DNAH10: variants seen among roughly 807,000 people sequenced by gnomAD.
DNAH10 encodes axonemal beta dynein heavy chain 10.
Under a neutral mutation model 506.6 loss-of-function variants are expected in DNAH10, and 348 were observed. The ratio of observed to expected loss-of-function variants is 0.69; its 90% CI spans 0.63 to 0.75. The LOEUF (loss-of-function observed/expected upper bound fraction) is 0.75. Ranked by LOEUF, DNAH10 falls within the 30% of genes least tolerant of loss-of-function variation. The pLI is 0.00. For missense variants in DNAH10, 5,179 were observed against 5,787.1 expected (o/e 0.89, Z 3.41); for synonymous variants, 2,059 against 2,198.6 (o/e 0.94, Z 1.78).
chr12:123,820,666 G>T lies in DNAH10; in HGVS notation c.4087G>T (p.Asp1363Tyr), dbSNP rs201579024. ...ACTGGCTAACGCTGAGAAACTTTTCGATCTTCCTATTACAATGTACCCAGA... is the reference window on the plus strand; with the variant it reads ...ACTGGCTAACGCTGAGAAACTTTTCTATCTTCCTATTACAATGTACCCAGA... ...QELANAEKLF[D>Y]LPITMYPELL... Residue 1363 changes from aspartate (D) to tyrosine (Y), a missense_variant, in exon 24 of 79, where the codon GAT becomes TAT. Physicochemically the swap from Asp to Tyr is radical, Grantham distance 160. This residue lies in a region of DNAH10 where 4,844 missense variants were observed against 5,430.5 expected (regional missense o/e 0.89). Transcript: ENST00000673944. The T allele has an allele frequency of 1.9e-6, 3 of 1,613,940 alleles. No homozygotes were observed. Among genetic ancestry groups the T allele is most frequent in the East Asian group, 2.2e-5 (1 of 44,882 alleles).
At position 123,893,321 on chromosome 12, in the gene DNAH10, G is replaced by A. The variant is rs781476763; in HGVS notation, c.9084G>A (p.Pro3028=). ...GQEALKQGMG[P]AKESVWQYFV... is the part of the protein sequence containing the mutation. Reference sequence around the variant, plus strand: ...AAGCTCTGAAGCAAGGCATGGGGCCGGCCAAGGAGTCTGTGTGGCAGTACT... The same window carrying A: ...AAGCTCTGAAGCAAGGCATGGGGCCAGCCAAGGAGTCTGTGTGGCAGTACT... The change falls in exon 53 of 79, where the codon CCG becomes CCA. Residue 3028 remains proline (P), a synonymous_variant. Transcript: ENST00000673944. The A allele has an allele frequency of 8.7e-6, 14 of 1,613,918 alleles. No homozygotes were observed. The highest frequency in any genetic ancestry group is 3.3e-4 in the Middle Eastern group (2 of 6,082).
In DNAH10 at chr12:123,914,995, T is replaced by C. The variant is rs1954404327; in HGVS notation, c.10718T>C (p.Leu3573Pro). ...WIKRKEEKNN[L>P]RVASFNDPDF... Reference sequence around the variant, plus strand: ...AAGAGAAAAGAGGAGAAGAACAATCTGCGGGTATGGTGGCTCCTCCCAGGG... The same window carrying C: ...AAGAGAAAAGAGGAGAAGAACAATCCGCGGGTATGGTGGCTCCTCCCAGGG... Residue 3573 changes from leucine (L) to proline (P), a missense_variant, in exon 62 of 79, where the codon CTG (leucine) becomes CCG (proline). This residue lies in a region of DNAH10 where 4,844 missense variants were observed against 5,430.5 expected (regional missense o/e 0.89). Transcript: ENST00000673944. 6.2e-7 allele frequency: 1 copy of C among 1,605,868 alleles called. No homozygotes were observed. The highest frequency in any genetic ancestry group is 8.5e-7 in the Non-Finnish European group (1 of 1,176,448).
intron 25 of DNAH10, among the ~76,000 whole-genome samples, chr12:123,830,212 G>T (rs946682392): frequency 6.6e-6 from 1 of 152,120 alleles, no homozygotes; most frequent in African/African-American, 2.4e-5. Context: ...TCTCAAAAAG[G>T]CTGAGTGATT....
chr12:123,918,018 G>A (rs58498731), intron 64 of DNAH10, among the ~76,000 whole-genome samples: 7,916 of 152,248 alleles, frequency 0.052, 628 homozygotes, highest in African/African-American at 0.17. Context: ...TCTTTAAATC[G>A]AGAGTGATAG....
rs201513984 is a variant in DNAH10, at chr12:123,864,692, C to T, written c.7006C>T (p.Arg2336Cys). ...NRLLTLANGE[R>C]IRLQAHCALL... ...GTTGTTGACATTGGCCAACGGGGAA[C>T]GCATCCGGCTCCAAGCACACTGTGC... The change falls in exon 40 of 79, where the codon CGC (arginine) becomes TGC (cysteine). Residue 2336 changes from arginine (R) to cysteine (C), a missense_variant. By Grantham distance (180) the Arg-to-Cys change is radical. Coordinates refer to ENST00000673944, the MANE Select transcript of DNAH10 (RefSeq NM_001372106.1). 7.2e-5 allele frequency: 116 copies of T among 1,613,790 alleles called. No homozygotes were observed. Among genetic ancestry groups the T allele is most frequent in the Admixed American group, 8.3e-5 (5 of 59,998 alleles).
At chr12:123,831,372 A>G (rs1450615130) in intron 26 of DNAH10, among the ~76,000 whole-genome samples, 2 of 152,212 alleles carry the variant, frequency 1.3e-5, no homozygotes, top group Non-Finnish European at 2.9e-5. Context: ...ATCCCTACAC[A>G]TATATGTATA....
rs953977568 is a variant in DNAH10 at position 123,800,634 on chromosome 12, C to T, written c.2462+246C>T. On this transcript the variant is annotated intron_variant, in intron 15 of 78. Coordinates refer to ENST00000673944, the MANE Select transcript of DNAH10 (RefSeq NM_001372106.1). ...CTGGGAGATTGAGGCTGCAGTGAAC[C>T]GTGATTGCTCTATCTCCAGCCTGGG... Among the ~76,000 whole-genome samples the T allele has an allele frequency of 7.3e-5, 11 of 149,752 alleles. No individual in the cohort carries two copies. In the South Asian group the frequency reaches 1.3e-3, roughly 17 times the overall value.
rs569917307 is a variant in DNAH10 at position 123,841,264 on chromosome 12, G to A, written c.5137-58G>A. 8 of 1,571,254 alleles carry A rather than the reference G, an allele frequency of 5.1e-6. No homozygotes were observed. In the Admixed American group the frequency reaches 1.3e-4, roughly 26 times the overall value. ...TCTGCTGGATGGAGCACCGCTGGCT[G>A]GTCTTTGATTCCAGAACTCCGTGCA... is the stretch of plus-strand genomic sequence containing the variant. On this transcript the variant is annotated intron_variant, in intron 29 of 78. Coordinates refer to ENST00000673944, the MANE Select transcript of DNAH10 (RefSeq NM_001372106.1).
intron 5 of DNAH10, among the ~76,000 whole-genome samples, chr12:123,778,713 A>AT (rs1957531555): frequency 6.6e-6 from 1 of 152,182 alleles, no homozygotes; most frequent in African/African-American, 2.4e-5. Flanking sequence ...AAAGAAAAAA[A>AT]ATATATATGT....
chr12:123,926,599 C>G lies in DNAH10; in HGVS notation c.11922-38C>G. 3.1e-6 allele frequency: 5 copies of G among 1,598,156 alleles called. No individual in the cohort carries two copies. The highest frequency in any genetic ancestry group is 4.3e-6 in the Non-Finnish European group (5 of 1,171,634). ...GACCAGCCCCTGGTCTGGAGCTGTC[C>G]TCGCGGGAGAGTTTTCTGACTGTGT... is the stretch of plus-strand genomic sequence containing the variant. On this transcript the variant is annotated intron_variant, in intron 68 of 78. Coordinates refer to ENST00000673944, the MANE Select transcript of DNAH10 (RefSeq NM_001372106.1). This position sits in a 1 kb window ranked among gnomAD's most constrained non-coding sequence, Gnocchi z 4.1.
At chr12:123,895,250 A>G (rs7296123) in intron 54 of DNAH10, among the ~76,000 whole-genome samples, 39,247 of 152,196 alleles carry the variant, frequency 0.26, 5,232 homozygotes, top group South Asian at 0.29. Flanking sequence ...GGCCTTGGAT[A>G]TTAATTTTAA....
chr12:123,855,236 T>C (rs1277350404), intron 36 of DNAH10, among the ~76,000 whole-genome samples: 1 of 152,074 alleles, frequency 6.6e-6, no homozygotes, highest in Non-Finnish European at 1.5e-5. Context: ...TAGTGAACGC[T>C]GAGTAGAGAA....
Position 123,913,217 on chromosome 12 carries a change from A to T in DNAH10, c.10254A>T (p.Ile3418=). The T allele has an allele frequency of 6.2e-7, 1 of 1,610,268 alleles. No homozygotes were observed. The highest frequency in any genetic ancestry group is 1.3e-5 in the African/African-American group (1 of 75,004). Residue 3418 remains isoleucine, a synonymous_variant, in exon 60 of 79, where the codon ATA becomes ATT. Coordinates refer to ENST00000673944, the MANE Select transcript of DNAH10 (RefSeq NM_001372106.1). The surrounding 1 kb of genome is among the most constrained non-coding windows in gnomAD (Gnocchi z 5.1). ...ETLGAKYEAA[I]LEKQKLQEEA... ...TGGGTGCCAAATATGAGGCCGCCAT[A>T]CTGGAAAAGCAGAAGCTGCAGGAAG...
chr12:123,877,711 G>GT (rs1456264651), intron 47 of DNAH10, 25 bp from the exon 48 acceptor site: 4 of 1,596,082 alleles, frequency 2.5e-6, no homozygotes, highest in Non-Finnish European at 3.4e-6. Context: ...TTGTGTGTTG[G>GT]GGGGGGTGTC....
chr12:123,820,732 A>G lies in DNAH10; in HGVS notation c.4153A>G (p.Ile1385Val). The G allele has an allele frequency of 6.2e-7, 1 of 1,613,934 alleles. No homozygotes were observed. Among genetic ancestry groups the G allele is most frequent in the Non-Finnish European group, 8.5e-7 (1 of 1,179,878 alleles). Reference protein sequence around the residue: ...VQKEMSGLRMIYELYEGLKVA... With the variant: ...VQKEMSGLRMVYELYEGLKVA... ...GAAGGAAATGAGTGGGCTGAGGATG[A>G]TTTACGAGCTCTATGAAGGACTAAA... The change falls in exon 24 of 79, where the codon ATT becomes GTT. Residue 1385 changes from isoleucine (I) to valine (V), a missense_variant. Physicochemically the swap from Ile to Val is conservative, Grantham distance 29 (BLOSUM62 3). Coordinates refer to ENST00000673944, the MANE Select transcript of DNAH10 (RefSeq NM_001372106.1).
chr12:123,919,420 T>C lies in DNAH10; in HGVS notation c.11506+471T>C, dbSNP rs1954632122. ...CTGGCGATTCATGTTACAAGAGGAA[T>C]GTTTAAAGCACTGAATTTTAAGATA... On this transcript the variant is annotated intron_variant, in intron 65 of 78. Transcript: ENST00000673944. This position sits in a 1 kb window ranked among gnomAD's most constrained non-coding sequence, Gnocchi z 4.9. Among the ~76,000 whole-genome samples the C allele has an allele frequency of 6.6e-6, 1 of 152,200 alleles. No homozygotes were observed. Among genetic ancestry groups the C allele is most frequent in the African/African-American group, 2.4e-5 (1 of 41,434 alleles).
intron 40 of DNAH10, 104 bp from the exon 41 acceptor site, chr12:123,865,847 G>C: frequency 1.7e-6 from 2 of 1,183,164 alleles, no homozygotes; most frequent in Non-Finnish European, 2.3e-6. Flanking sequence ...GGTATTATTT[G>C]GATTTCATGC....
intron 28 of DNAH10, among the ~76,000 whole-genome samples, chr12:123,837,664 A>G (rs546130635): frequency 6.6e-6 from 1 of 150,640 alleles, no homozygotes; most frequent in African/African-American, 2.4e-5. Flanking sequence ...GCAGCCTCCA[A>G]CTCCTGGGCT....
intron 5 of DNAH10, among the ~76,000 whole-genome samples, chr12:123,774,644 C>T (rs773882241): frequency 6.6e-6 from 1 of 152,206 alleles, no homozygotes; most frequent in Non-Finnish European, 1.5e-5. Flanking sequence ...AATAGGTGGG[C>T]TAGTTAACTG....
Sources: allele counts gnomAD v4.1 joint callset (sites outside exome capture counted in the v4.1 genomes callset), GRCh38; gene constraint gnomAD v4.1.1; regional missense constraint gnomAD v4.1.1; non-coding constraint Gnocchi (gnomAD v3.1); transcripts MANE v1.5; gene names NCBI Gene and HGNC (gene_info 2026-07-23, HGNC 2026-07-21).